PTBP1: variants seen among roughly 807,000 people sequenced by gnomAD.
PTBP1 encodes the protein polypyrimidine tract-binding protein 1.
In PTBP1, 8 loss-of-function variants were observed where a neutral mutation model predicts 59.8. That is an observed-to-expected ratio of 0.13 (90% CI 0.08 to 0.24). PTBP1 has a LOEUF of 0.24. Ranked by LOEUF, PTBP1 falls within the 10% of genes least tolerant of loss-of-function variation. The pLI is 1.00. For missense variants in PTBP1, 686 were observed against 767.0 expected (o/e 0.89, Z 1.25); for synonymous variants, 490 against 320.7 (o/e 1.53, Z -5.64).
chr19:808,016 C>A lies in PTBP1; in HGVS notation c.1153+114C>A. The A allele has an allele frequency of 2.0e-6, 2 of 993,516 alleles. No homozygotes were observed. The allele number at this position is 993,516 out of a possible 1,614,324, so 61.5% of individuals were successfully genotyped here. On this transcript the variant is annotated intron_variant, in intron 11 of 14. Coordinates refer to ENST00000356948, the MANE Select transcript of PTBP1 (RefSeq NM_002819.5). The surrounding 1 kb of genome is among the most constrained non-coding windows in gnomAD (Gnocchi z 4.7). ...GCACTCTGATGCTCCGTGGCATCCG[C>A]CTCGTTTTATGGTTTGCTTTCGGTT... is the stretch of plus-strand genomic sequence containing the variant.
rs1411917675 is a variant in PTBP1, at chr19:810,326, C to T, written c.1464-217C>T. On this transcript the variant is annotated intron_variant, in intron 13 of 14. Coordinates refer to ENST00000356948, the MANE Select transcript of PTBP1 (RefSeq NM_002819.5). Reference sequence around the variant, plus strand: ...ATCTGGAAAAAAAAAAGTGGAGGAGCGTGGTACTCTGTTTCTGCAAACTTG... The same window carrying T: ...ATCTGGAAAAAAAAAAGTGGAGGAGTGTGGTACTCTGTTTCTGCAAACTTG... Among the ~76,000 whole-genome samples, 4 of 151,762 alleles carry T rather than the reference C, an allele frequency of 2.6e-5. No individual in the cohort carries two copies. The South Asian group carries it at 6.2e-4, about 24-fold the overall frequency.
intron 10 of PTBP1, 124 bp downstream of exon 10, chr19:806,680 C>T (rs1298026770): frequency 5.5e-6 from 5 of 907,728 alleles, no homozygotes; most frequent in South Asian, 2.3e-5. Flanking sequence ...CCCTGGCAGC[C>T]CCTCTGCTGC....
rs1272951757 is a variant in PTBP1, at chr19:801,422, C to T, written c.39+1979C>T. ...TGCCGCAGACAGTTGTGGGCAATGCCAGGCCACTTGCCCATGGGAATGAGA... is the reference window on the plus strand; with the variant it reads ...TGCCGCAGACAGTTGTGGGCAATGCTAGGCCACTTGCCCATGGGAATGAGA... On this transcript the variant is annotated intron_variant, in intron 2 of 14. Coordinates refer to ENST00000356948, the MANE Select transcript of PTBP1 (RefSeq NM_002819.5). Among the ~76,000 whole-genome samples, 4 of 152,252 alleles carry T rather than the reference C, an allele frequency of 2.6e-5. No individual in the cohort carries two copies. The South Asian group carries it at 6.2e-4, about 24-fold the overall frequency.
chr19:807,743 T>A, intron 10 of PTBP1, 126 bp from the exon 11 acceptor site: 1 of 714,824 alleles, frequency 1.4e-6, no homozygotes. Flanking sequence ...CCTGACAACT[T>A]CATCATCCAT....
rs538579104 is a variant in PTBP1, at chr19:811,050, C to T, written c.*224C>T. Reference sequence around the variant, plus strand: ...TGGTGACTGTGGCAGCGGGAGTTCCCGGCCCTCCACACCCGGGGCCAGACC... The same window carrying T: ...TGGTGACTGTGGCAGCGGGAGTTCCTGGCCCTCCACACCCGGGGCCAGACC... On this transcript the variant is annotated 3_prime_UTR_variant, in exon 15 of 15. Coordinates refer to ENST00000356948, the MANE Select transcript of PTBP1 (RefSeq NM_002819.5). 9 of 473,434 alleles carry T rather than the reference C, an allele frequency of 1.9e-5. No individual in the cohort carries two copies. Among genetic ancestry groups the T allele is most frequent in the East Asian group, 1.1e-4 (3 of 26,368 alleles). The allele number at this position is 473,434 out of a possible 1,614,324, so 29.3% of individuals were successfully genotyped here.
chr19:810,526 C>T lies in PTBP1; in HGVS notation c.1464-17C>T, dbSNP rs753299545. On this transcript the variant is annotated splice_polypyrimidine_tract_variant and intron_variant, in intron 13 of 14. Transcript: ENST00000356948. Reference sequence around the variant, plus strand: ...ACCCCCACGCGGCCCCAGGCTCACGCCTTTCTCCTCCCACAGGCCCTCAGT... The same window carrying T: ...ACCCCCACGCGGCCCCAGGCTCACGTCTTTCTCCTCCCACAGGCCCTCAGT... 1 of 1,611,690 alleles carries T rather than the reference C, an allele frequency of 6.2e-7. No homozygotes were observed. Among genetic ancestry groups the T allele is most frequent in the South Asian group, 1.1e-5 (1 of 90,806 alleles).
chr19:799,509 C>T, intron 2 of PTBP1, 66 bp downstream of exon 2: 2 of 1,533,754 alleles, frequency 1.3e-6, no homozygotes, highest in Non-Finnish European at 1.8e-6. Context: ...CGGGGGCCAC[C>T]CCCCAGCGCT....
chr19:804,592 G>A lies in PTBP1; in HGVS notation c.496G>A (p.Ala166Thr), dbSNP rs2034478747. The change falls in exon 6 of 15, where the codon GCC becomes ACC. Residue 166 changes from alanine to threonine, a missense_variant. Physicochemically the swap from Ala to Thr is moderately conservative, Grantham distance 58. Coordinates refer to ENST00000356948, the MANE Select transcript of PTBP1 (RefSeq NM_002819.5). ...CCAGTCGGGGAACCTGGCCTTGGCT[G>A]CCTCGGCGGCGGCCGTGGACGCAGG... ...SVQSGNLALA[A>T]SAAAVDAGMA... 9 of 1,611,318 alleles carry A rather than the reference G, an allele frequency of 5.6e-6. No homozygotes were observed. Among genetic ancestry groups the A allele is most frequent in the African/African-American group, 1.3e-5 (1 of 74,928 alleles).
Position 810,986 on chromosome 19 carries a change from C to T in PTBP1, c.*160C>T, listed in dbSNP as rs1267398556. ...TTTTAAAAAAATTAAATCTAGTTCA[C>T]CTTGCTCACCCTGCGGTGACAGGGA... On this transcript the variant is annotated 3_prime_UTR_variant, in exon 15 of 15. Coordinates refer to ENST00000356948, the MANE Select transcript of PTBP1 (RefSeq NM_002819.5). The T allele has an allele frequency of 1.5e-5, 11 of 743,318 alleles. No homozygotes were observed. Among genetic ancestry groups the T allele is most frequent in the Non-Finnish European group, 8.0e-6 (4 of 500,162 alleles). The allele number at this position is 743,318 out of a possible 1,614,324, so 46.0% of individuals were successfully genotyped here. A position where few individuals can be genotyped will look rare whatever the true frequency, so the allele number is the denominator to read the frequency against.
At chr19:797,775 C>G (rs1245388622) in intron 1 of PTBP1, among the ~76,000 whole-genome samples, 1 of 148,618 alleles carries the variant, frequency 6.7e-6, no homozygotes, top group South Asian at 2.1e-4. Context: ...GCCCCTCCCC[C>G]TCCGCGCGCG....
chr19:806,326 A>G lies in PTBP1; in HGVS notation c.971-82A>G, dbSNP rs560225659. ...CCCGCGCGGCTCGGCTCCTCGGTGCATGAGGACGGGGAGCGTCGGCCTCTC... is the reference window on the plus strand; with the variant it reads ...CCCGCGCGGCTCGGCTCCTCGGTGCGTGAGGACGGGGAGCGTCGGCCTCTC... On this transcript the variant is annotated intron_variant, in intron 9 of 14. Transcript: ENST00000356948. 1.5e-5 allele frequency: 21 copies of G among 1,422,258 alleles called. No homozygotes were observed. In the Admixed American group the frequency reaches 4.4e-4, roughly 30 times the overall value. 88.1% of individuals were successfully genotyped at this position (1,422,258 alleles called of 1,614,324 possible).
chr19:811,040 C>T lies in PTBP1; in HGVS notation c.*214C>T, dbSNP rs753887820. The T allele has an allele frequency of 2.7e-5, 13 of 489,472 alleles. No homozygotes were observed. Among genetic ancestry groups the T allele is most frequent in the African/African-American group, 6.1e-5 (3 of 49,176 alleles). 30.3% of individuals were successfully genotyped at this position (489,472 alleles called of 1,614,324 possible). ...CTCAGGCTCTTGGTGACTGTGGCAG[C>T]GGGAGTTCCCGGCCCTCCACACCCG... On this transcript the variant is annotated 3_prime_UTR_variant, in exon 15 of 15. Coordinates refer to ENST00000356948, the MANE Select transcript of PTBP1 (RefSeq NM_002819.5).
In PTBP1 at chr19:808,147, G is replaced by C; in HGVS notation, c.1154-213G>C. The C allele has an allele frequency of 6.3e-6, 4 of 631,806 alleles. No individual in the cohort carries two copies. Among genetic ancestry groups the C allele is most frequent in the Non-Finnish European group, 1.1e-5 (4 of 353,666 alleles). 39.1% of individuals were successfully genotyped at this position (631,806 alleles called of 1,614,324 possible). The stretch of plus-strand genomic sequence containing the variant: ...CATATGCCACCGTGGCCACCCGCTG[G>C]CAGCTTACCTGTCCTGGATGCTATG... On this transcript the variant is annotated intron_variant, in intron 11 of 14. Coordinates refer to ENST00000356948, the MANE Select transcript of PTBP1 (RefSeq NM_002819.5). The surrounding 1 kb of genome is among the most constrained non-coding windows in gnomAD (Gnocchi z 4.7).
At chr19:805,910 C>G in intron 9 of PTBP1, 1 of 356,074 alleles carries the variant, frequency 2.8e-6, no homozygotes, top group Non-Finnish European at 5.2e-6. Flanking sequence ...CTGGTAAGCG[C>G]GCGGCCCGAG....
intron 1 of PTBP1, chr19:798,290 C>G (rs986465784): frequency 6.6e-6 from 1 of 151,690 alleles, no homozygotes; most frequent in African/African-American, 2.4e-5. Flanking sequence ...CTTTGCTGGG[C>G]GGGCTTCCCT....
At chr19:802,175 C>T (rs1599222630) in intron 2 of PTBP1, among the ~76,000 whole-genome samples, 1 of 152,210 alleles carries the variant, frequency 6.6e-6, no homozygotes, top group East Asian at 1.9e-4. Flanking sequence ...AGTCCCTGTT[C>T]CCCATCCTCC....
intron 3 of PTBP1, 82 bp downstream of exon 3, chr19:803,718 C>G: frequency 5.5e-6 from 7 of 1,270,030 alleles, no homozygotes; most frequent in Non-Finnish European, 8.0e-6. Context: ...TGGGACTCTA[C>G]TTTCCATCTC....
At chr19:798,762 G>A in intron 1 of PTBP1, among the ~76,000 whole-genome samples, 1 of 152,280 alleles carries the variant, frequency 6.6e-6, no homozygotes, top group East Asian at 1.9e-4. Context: ...CGGGGCTGAA[G>A]GGAGGGCCTC....
rs1370492118 is a variant in PTBP1 at position 804,948 on chromosome 19, G to T, written c.717+9G>T. 1.9e-6 allele frequency: 3 copies of T among 1,613,198 alleles called. No individual in the cohort carries two copies. In the South Asian group the frequency reaches 3.3e-5, roughly 18 times the overall value. ...CCCAGCACGCCAAGCTGGTGAGTGG[G>T]GCTCCCGGGACGGCGCCCGCCCTGG... On this transcript the variant is annotated intron_variant, in intron 7 of 14. Transcript: ENST00000356948.
Sources: allele counts gnomAD v4.1 joint callset (sites outside exome capture counted in the v4.1 genomes callset), GRCh38; gene constraint gnomAD v4.1.1; non-coding constraint Gnocchi (gnomAD v3.1); transcripts MANE v1.5; gene names NCBI Gene and HGNC (gene_info 2026-07-23, HGNC 2026-07-21).